The following GATB variants were observed in gnomAD, a reference collection of about 807,000 sequenced individuals.
GATB encodes the protein glutamyl-tRNA amidotransferase subunit B, also known as glutamyl-tRNA(Gln) amidotransferase subunit B, mitochondrial.
In GATB, 39 loss-of-function variants were observed where a neutral mutation model predicts 62.3. That is an observed-to-expected ratio of 0.63 (90% CI 0.48 to 0.82). The LOEUF (loss-of-function observed/expected upper bound fraction) is 0.82. Ranked by LOEUF, GATB falls within the 40% of genes least tolerant of loss-of-function variation. The pLI is 0.00. For missense variants in GATB, 670 were observed against 684.0 expected, an observed-to-expected ratio of 0.98 and a Z score of 0.23; for synonymous variants, 276 against 258.9, an observed-to-expected ratio of 1.07 and a Z score of -0.63.
intron 2 of GATB, among the ~76,000 whole-genome samples, chr4:151,733,422 G>T (rs2126988011): frequency 6.6e-6 from 1 of 152,286 alleles, no homozygotes. Flanking sequence ...AAATCAGGAA[G>T]AATTAGATAC....
intron 12 of GATB, 126 bp from the exon 13 acceptor site, chr4:151,671,428 A>AAT (rs1485586991): frequency 1.1e-6 from 1 of 898,172 alleles, no homozygotes; most frequent in Non-Finnish European, 1.7e-6. Context: ...TTAGACATAA[A>AAT]ATGTAGAACA....
intron 5 of GATB, among the ~76,000 whole-genome samples, chr4:151,713,073 T>C (rs1738851100): frequency 6.6e-6 from 1 of 152,094 alleles, no homozygotes. Context: ...CGAACCCTAT[T>C]GTGAACTGTG....
At chr4:151,677,158 G>T (rs1193864320) in intron 11 of GATB, 2 of 152,180 alleles carry the variant, frequency 1.3e-5, no homozygotes, top group African/African-American at 4.8e-5. Flanking sequence ...GGATCAGAGA[G>T]TCTCTGTTCT....
intron 2 of GATB, among the ~76,000 whole-genome samples, chr4:151,741,499 A>T (rs1184585861): frequency 6.6e-6 from 1 of 152,226 alleles, no homozygotes; most frequent in Non-Finnish European, 1.5e-5. Context: ...GAAATGGGAG[A>T]AAAGGCTTTC....
chr4:151,717,636 A>C (rs1013243117), intron 3 of GATB, among the ~76,000 whole-genome samples: 1 of 152,176 alleles, frequency 6.6e-6, no homozygotes, highest in African/African-American at 2.4e-5. Context: ...CCAGTCAGAA[A>C]ATGCTGTGAC....
At chr4:151,759,255 T>C (rs375349262) in intron 1 of GATB, among the ~76,000 whole-genome samples, 2 of 152,176 alleles carry the variant, frequency 1.3e-5, no homozygotes, top group South Asian at 4.1e-4. Flanking sequence ...TTGGCTGACT[T>C]CAGTGAAAAG....
chr4:151,727,109 C>T (rs28524960), intron 2 of GATB, among the ~76,000 whole-genome samples: 3,489 of 152,186 alleles, frequency 0.023, 126 homozygotes, highest in African/African-American at 0.079. Flanking sequence ...TTTGAAGAGA[C>T]GAGGTCTTGC....
chr4:151,679,740 G>T, intron 11 of GATB, 73 bp downstream of exon 11: 1 of 1,199,040 alleles, frequency 8.3e-7, no homozygotes, highest in Non-Finnish European at 1.2e-6. Context: ...ACTCAGTGAT[G>T]GCATTTGGGT....
intron 9 of GATB, among the ~76,000 whole-genome samples, chr4:151,693,508 C>A (rs558015941): frequency 2.6e-5 from 4 of 152,130 alleles, no homozygotes; most frequent in East Asian, 1.9e-4. Flanking sequence ...CACGACCCCC[C>A]CCTCAAGAGT....
intron 8 of GATB, among the ~76,000 whole-genome samples, chr4:151,701,854 T>C (rs1192066574): frequency 1.3e-5 from 2 of 152,192 alleles, no homozygotes; most frequent in Non-Finnish European, 2.9e-5. Flanking sequence ...AACGGCGATA[T>C]GTTCGTAGAG....
At position 151,730,073 on chromosome 4, in the gene GATB, A is replaced by G. The variant is rs970183112; in HGVS notation, c.328-10535T>C. The stretch of plus-strand genomic sequence containing the variant: ...CAAGCCCCACCTGCCCTCTGCCTGG[A>G]AACAGACTCGGGGTGTGGTGGGAGT... On this transcript the variant is annotated intron_variant, in intron 2 of 12. Coordinates refer to ENST00000263985, the MANE Select transcript of GATB (RefSeq NM_004564.3). The surrounding 1 kb of genome is among the most constrained non-coding windows in gnomAD (Gnocchi z 4.1). Among the ~76,000 whole-genome samples, 78 of 152,152 alleles carry G rather than the reference A, an allele frequency of 5.1e-4. No individual in the cohort carries two copies. Among genetic ancestry groups the G allele is most frequent in the Non-Finnish European group, 1.1e-3 (74 of 68,018 alleles).
At chr4:151,699,767 A>C (rs1738561121) in intron 9 of GATB, among the ~76,000 whole-genome samples, 1 of 148,140 alleles carries the variant, frequency 6.8e-6, no homozygotes, top group Non-Finnish European at 1.5e-5. Context: ...TCTCTTATGG[A>C]GACAGCTAAT....
intron 10 of GATB, among the ~76,000 whole-genome samples, chr4:151,686,637 A>G (rs1170218593): frequency 1.2e-5 from 1 of 85,140 alleles, no homozygotes; most frequent in African/African-American, 7.9e-5. Flanking sequence ...CTTCTGTGTC[A>G]CCAGTCCCCG....
chr4:151,740,129 C>T (rs1002449752), intron 2 of GATB, among the ~76,000 whole-genome samples: 1 of 152,210 alleles, frequency 6.6e-6, no homozygotes, highest in Non-Finnish European at 1.5e-5. Flanking sequence ...TGTCTGACTT[C>T]TGTGCTGATT....
Position 151,688,778 on chromosome 4 carries a change from A to G in GATB, c.1198-15T>C. On this transcript the variant is annotated splice_polypyrimidine_tract_variant and intron_variant, in intron 9 of 12. Transcript: ENST00000263985. ...CCGACTTCGTTCTGTTAAAAAAAAA[A>G]AAAGAAAATTACATAAAGCCTCCCC... 6.4e-7 allele frequency: 1 copy of G among 1,570,756 alleles called. No individual in the cohort carries two copies. The highest frequency in any genetic ancestry group is 8.6e-7 in the Non-Finnish European group (1 of 1,167,070).
At chr4:151,686,449 C>T (rs559944958) in intron 10 of GATB, among the ~76,000 whole-genome samples, 2 of 152,224 alleles carry the variant, frequency 1.3e-5, no homozygotes, top group South Asian at 4.2e-4. Context: ...TGTCTGTCTT[C>T]ACTCCCCGGG....
intron 8 of GATB, 171 bp downstream of exon 8, chr4:151,703,680 T>A: frequency 3.2e-6 from 2 of 629,698 alleles, no homozygotes; most frequent in Non-Finnish European, 5.7e-6. Context: ...AAACTAGTAC[T>A]TCTCTCGGTA....
intron 2 of GATB, among the ~76,000 whole-genome samples, chr4:151,735,734 G>GTATATATATATATCTATATATA (rs1491213513): frequency 1.1e-5 from 1 of 93,614 alleles, no homozygotes; most frequent in Non-Finnish European, 2.1e-5. Context: ...ATAAACTGTG[G>GTATATATATATATCTATATATA]TGTATATATA....
intron 2 of GATB, chr4:151,723,782 G>C (rs1202833999): frequency 6.6e-6 from 1 of 152,154 alleles, no homozygotes; most frequent in Non-Finnish European, 1.5e-5. Flanking sequence ...TCAAATAAGA[G>C]GCTAATTCTT....
Sources: allele counts gnomAD v4.1 joint callset (sites outside exome capture counted in the v4.1 genomes callset), GRCh38; gene constraint gnomAD v4.1.1; non-coding constraint Gnocchi (gnomAD v3.1); transcripts MANE v1.5; gene names NCBI Gene and HGNC (gene_info 2026-07-23, HGNC 2026-07-21).